The following HDAC6 variants were observed in gnomAD, a reference collection of about 807,000 sequenced individuals.
HDAC6 encodes protein deacetylase HDAC6.
A neutral mutation model predicts 88.9 loss-of-function variants in HDAC6; 5 were observed. That is an observed-to-expected ratio of 0.06 (90% CI 0.03 to 0.12). The LOEUF (loss-of-function observed/expected upper bound fraction) is 0.12, where lower values mean the gene tolerates loss of function less well. HDAC6 is among the 10% of genes least tolerant of loss of function. The pLI, the probability that HDAC6 is intolerant of heterozygous loss-of-function variation, is 1.00. For synonymous variants in HDAC6, 378 were observed against 398.0 expected (o/e 0.95, Z 0.60); for missense variants, 706 against 1,014.4 (o/e 0.70, Z 4.13).
intron 23 of HDAC6, among the ~76,000 whole-genome samples, chrX:48,821,357 ATT>A (rs2147384923): frequency 9.7e-6 from 1 of 103,252 alleles, no homozygotes; most frequent in Non-Finnish European, 2.0e-5. Flanking sequence ...CACCCAGCTA[ATT>A]TTTTTGTATT....
intron 22 of HDAC6, among the ~76,000 whole-genome samples, chrX:48,818,827 A>G (rs1355589914): frequency 8.9e-6 from 1 of 112,159 alleles, no homozygotes; most frequent in African/African-American, 3.2e-5. Context: ...ACTAAATGCA[A>G]CCATCTCTGT....
intron 1 of HDAC6, 154 bp from the exon 2 acceptor site, chrX:48,802,509 C>T: frequency 1.8e-6 from 2 of 1,097,758 alleles, no homozygotes; most frequent in Non-Finnish European, 2.4e-6. Flanking sequence ...GGGAGAAGGC[C>T]TGAGAGAGGC....
intron 19 of HDAC6, 76 bp downstream of exon 19, chrX:48,816,709 CTCTGAGAGAGTCAAG>C: frequency 1.1e-6 from 1 of 950,075 alleles, no homozygotes; most frequent in Non-Finnish European, 1.4e-6. Context: ...TTTCTGGAGG[CTCTGAGAGAGTCAAG>C]CAGGGCCTGA....
Position 48,803,154 on chromosome X carries a change from G to A in HDAC6, c.249G>A (p.Leu83=). ...ATCTGAACCTTGAGGCTGAAGCACTGGCTGGCACTGGCTTGGTGTTGGATG... is the reference window on the plus strand; with the variant it reads ...ATCTGAACCTTGAGGCTGAAGCACTAGCTGGCACTGGCTTGGTGTTGGATG... ...GMDLNLEAEA[L]AGTGLVLDEQ... Residue 83 remains leucine, a synonymous_variant, in exon 4 of 29, where the codon CTG becomes CTA. Transcript: ENST00000334136. 1 of 1,210,208 alleles carries A rather than the reference G, an allele frequency of 8.3e-7. No individual in the cohort carries two copies. Among genetic ancestry groups the A allele is most frequent in the Non-Finnish European group, 1.1e-6 (1 of 894,581 alleles).
intron 8 of HDAC6, 127 bp downstream of exon 8, chrX:48,806,833 A>G: frequency 2.2e-6 from 1 of 450,643 alleles, no homozygotes; most frequent in Non-Finnish European, 3.6e-6. Context: ...GAATATAATT[A>G]AAAATCTGTC....
In HDAC6 at chrX:48,824,058, C is replaced by G; in HGVS notation, c.3440C>G (p.Ser1147Cys). 1.7e-6 allele frequency: 2 copies of G among 1,210,337 alleles called. No individual in the cohort carries two copies. The highest frequency in any genetic ancestry group is 2.2e-6 in the Non-Finnish European group (2 of 894,450). Residue 1147 changes from serine (S) to cysteine (C), a missense_variant, in exon 27 of 29, where the codon TCT (serine) becomes TGT (cysteine). Around this residue, in one of 9 missense-constraint regions of HDAC6, gnomAD observed 9 missense variants for 26.3 expected, o/e 0.34. Coordinates refer to ENST00000334136, the MANE Select transcript of HDAC6 (RefSeq NM_006044.4). ...ATCCAAGAGAATTGGGTGTGTCTCT[C>G]TTGCTATCAGGTATGGAGCAGAGGA... ...GTIQENWVCL[S>C]CYQVYCGRYI...
At position 48,815,486 on chromosome X, in the gene HDAC6, C is replaced by T. The variant is rs1557027261; in HGVS notation, c.1252C>T (p.Arg418Trp). 10 of 1,200,318 alleles carry T rather than the reference C, an allele frequency of 8.3e-6. No individual in the cohort carries two copies. Among genetic ancestry groups the T allele is most frequent in the African/African-American group, 3.5e-5 (2 of 56,907 alleles). ...PMLESPGAPC[R>W]SAQASVSCAL... ...GCTGGAGTCACCTGGTGCCCCCTGC[C>T]GGAGGTGAGCCCCGGTGGAGGAGGG... The change falls in exon 15 of 29, where the codon CGG becomes TGG. Residue 418 changes from arginine to tryptophan, a missense_variant. Physicochemically the swap from Arg to Trp is moderately radical, Grantham distance 101 (BLOSUM62 -3). Transcript: ENST00000334136.
rs149790381 is a variant in HDAC6, at chrX:48,806,644, T to A, written c.570T>A (p.Ser190=). ...SYSCACLASG[S]VLRLVDAVLG... ...CCTGTGCCTGCCTGGCCTCAGGCTC[T>A]GTCCTCAGGCTGGTGGATGCGGTCC... The change falls in exon 8 of 29, where the codon TCT becomes TCA. Residue 190 remains serine (S), a synonymous_variant. Transcript: ENST00000334136. 39 of 1,208,601 alleles carry A rather than the reference T, an allele frequency of 3.2e-5. 1 individual carries two copies. The Admixed American group carries it at 8.3e-4, about 26-fold the overall frequency.
chrX:48,824,126 G>A (rs201701559), intron 27 of HDAC6, 40 bp from the exon 28 acceptor site: 1 of 1,203,473 alleles, frequency 8.3e-7, no homozygotes, highest in East Asian at 3.0e-5. Flanking sequence ...ACTGCAGGGG[G>A]ATGCTGACCC....
At chrX:48,806,334 A>C in intron 6 of HDAC6, 34 bp from the exon 7 acceptor site, 7 of 910,144 alleles carry the variant, frequency 7.7e-6, no homozygotes, top group African/African-American at 1.9e-5. Context: ...GGGAAGAGAC[A>C]GGGCCCTGAA....
chrX:48,801,944 G>T, upstream of HDAC6: 1 of 970,517 alleles, frequency 1.0e-6, no homozygotes, highest in African/African-American at 2.0e-5. Context: ...TGAGTGGAGC[G>T]GTGAGTACAG....
At chrX:48,814,764 G>GGGA (rs781958232) in intron 12 of HDAC6, 24 bp downstream of exon 12, 64 of 1,209,950 alleles carry the variant, frequency 5.3e-5, no homozygotes, top group Non-Finnish European at 7.0e-5. Context: ...GGGGTGTGTT[G>GGGA]GGAGGAGGAG....
At chrX:48,806,837 A>G in intron 8 of HDAC6, 131 bp downstream of exon 8, 1 of 440,981 alleles carries the variant, frequency 2.3e-6, no homozygotes, top group South Asian at 4.5e-5. Context: ...ATAATTAAAA[A>G]TCTGTCTCCC....
intron 10 of HDAC6, among the ~76,000 whole-genome samples, chrX:48,810,269 G>A (rs1427666393): frequency 9.1e-6 from 1 of 109,637 alleles, no homozygotes; most frequent in Non-Finnish European, 1.9e-5. Context: ...TAGAGACAGG[G>A]TCTCACTATA....
intron 25 of HDAC6, 34 bp downstream of exon 25, chrX:48,823,622 G>A (rs782431499): frequency 1.7e-6 from 2 of 1,194,611 alleles, no homozygotes; most frequent in South Asian, 1.8e-5. Context: ...GGGGCAAGAA[G>A]GGGCAAGAAT....
chrX:48,814,498 G>A lies in HDAC6; in HGVS notation c.865G>A (p.Ala289Thr). 2 of 1,211,434 alleles carry A rather than the reference G, an allele frequency of 1.7e-6. No individual in the cohort carries two copies. The highest frequency in any genetic ancestry group is 2.2e-6 in the Non-Finnish European group (2 of 895,085). The stretch of plus-strand genomic sequence containing the variant: ...GGGTAGGTTCTGGCCCCACCTGAAG[G>A]CCTCTAACTGGTCCACCACAGGTTT... ...EQGRFWPHLK[A>T]SNWSTTGFGQ... is the part of the protein sequence containing the mutation. The change falls in exon 11 of 29, where the codon GCC (alanine) becomes ACC (threonine). Residue 289 changes from alanine (A) to threonine (T), a missense_variant. By Grantham distance (58) the Ala-to-Thr change is moderately conservative (BLOSUM62 0). Around this residue, in one of 9 missense-constraint regions of HDAC6, gnomAD observed 193 missense variants for 258.2 expected, o/e 0.75. Coordinates refer to ENST00000334136, the MANE Select transcript of HDAC6 (RefSeq NM_006044.4).
At chrX:48,819,692 C>T (rs1363798282) in intron 22 of HDAC6, 5 of 249,469 alleles carry the variant, frequency 2.0e-5, no homozygotes, top group Non-Finnish European at 3.7e-5. Context: ...TACAGGCTCC[C>T]GCCACCACGT....
At chrX:48,818,755 G>A (rs1274906013) in intron 22 of HDAC6, among the ~76,000 whole-genome samples, 1 of 112,292 alleles carries the variant, frequency 8.9e-6, no homozygotes, top group Non-Finnish European at 1.9e-5. Context: ...GTGCGTGTGC[G>A]ACTCTGTGCA....
At chrX:48,814,376 G>A in intron 10 of HDAC6, 64 bp from the exon 11 acceptor site, 1 of 1,144,395 alleles carries the variant, frequency 8.7e-7, no homozygotes, top group Admixed American at 2.3e-5. Flanking sequence ...GCAACTGTTG[G>A]GTTGGGGGTG....
Sources: gnomAD v4.1 joint callset for allele counts (sites outside exome capture counted in the v4.1 genomes callset) on GRCh38, gnomAD v4.1.1 for gene constraint, gnomAD v4.1.1 regional missense constraint, MANE v1.5 for transcripts, NCBI Gene and HGNC (gene_info 2026-07-23, HGNC 2026-07-21) for gene names.